DNTTIP1: variants seen among roughly 807,000 people sequenced by gnomAD.
DNTTIP1 encodes deoxynucleotidyltransferase terminal-interacting protein 1.
In DNTTIP1, 22 loss-of-function variants were observed where a neutral mutation model predicts 52.9. That is an observed-to-expected ratio of 0.42 (90% CI 0.30 to 0.59). The LOEUF is 0.59. DNTTIP1 is among the 20% of genes least tolerant of loss of function. The pLI is 0.22. For missense variants in DNTTIP1, 286 were observed against 435.5 expected (o/e 0.66, Z 3.06); for synonymous variants, 136 against 155.1 (o/e 0.88, Z 0.92).
At chr20:45,802,150 A>G in intron 7 of DNTTIP1, 93 bp downstream of exon 7, 2 of 1,373,718 alleles carry the variant, frequency 1.5e-6, no homozygotes, top group Non-Finnish European at 2.1e-6. Context: ...GTGCCTGTCA[A>G]AATCAGATCC....
rs1480105771 is a variant in DNTTIP1, at chr20:45,795,369, G to A, written c.298G>A (p.Val100Met). The A allele has an allele frequency of 1.1e-5, 18 of 1,610,678 alleles. No individual in the cohort carries two copies. Among genetic ancestry groups the A allele is most frequent in the East Asian group, 2.2e-5 (1 of 44,782 alleles). Residue 100 changes from valine to methionine, a missense_variant, in exon 4 of 13, where the codon GTG becomes ATG. Transcript: ENST00000372622. ...GTTCTTCCAGAAGGCAGCACTGAACGTGCGAGACAATGTTGGGGAGGAGGT... is the reference window on the plus strand; with the variant it reads ...GTTCTTCCAGAAGGCAGCACTGAACATGCGAGACAATGTTGGGGAGGAGGT... The part of the protein sequence containing the change: ...MKFFQKAALN[V>M]RDNVGEEVDA...
At chr20:45,800,967 C>T in intron 4 of DNTTIP1, 107 bp from the exon 5 acceptor site, 1 of 941,108 alleles carries the variant, frequency 1.1e-6, no homozygotes, top group Non-Finnish European at 1.7e-6. Flanking sequence ...GCACTCCAGC[C>T]TGAGCAACAG....
In DNTTIP1 at chr20:45,801,431, C is replaced by G. The variant is rs1429739949; in HGVS notation, c.471C>G (p.Ala157=). The change falls in exon 6 of 13, where the codon GCC becomes GCG. Residue 157 remains alanine, a synonymous_variant. Coordinates refer to ENST00000372622, the MANE Select transcript of DNTTIP1 (RefSeq NM_052951.3). ...KRGRQAEEEC[A]HRGSPLPKKR... ...GCCGTCAGGCAGAAGAAGAATGTGC[C>G]CATCGAGGAAGCCCCCTTCCTAAAA... 3 of 1,614,164 alleles carry G rather than the reference C, an allele frequency of 1.9e-6. No individual in the cohort carries two copies. The highest frequency in any genetic ancestry group is 8.5e-7 in the Non-Finnish European group (1 of 1,180,030).
chr20:45,795,500 T>A, intron 4 of DNTTIP1, 57 bp downstream of exon 4: 1 of 1,127,772 alleles, frequency 8.9e-7, no homozygotes, highest in East Asian at 2.6e-5. Flanking sequence ...GAGCCTCTGA[T>A]AAGAAATGCG....
chr20:45,801,163 G>A lies in DNTTIP1; in HGVS notation c.441+21G>A, dbSNP rs758904947. The A allele has an allele frequency of 9.9e-6, 16 of 1,611,736 alleles. No homozygotes were observed. Among genetic ancestry groups the A allele is most frequent in the East Asian group, 2.2e-5 (1 of 44,876 alleles). On this transcript the variant is annotated intron_variant, in intron 5 of 12. Transcript: ENST00000372622. ...TAAAGGTCAGAGTCACTGTGTTCTC[G>A]GGTATTGGAGCGGGAGGTCCTTCAG... is the stretch of plus-strand genomic sequence containing the variant.
intron 10 of DNTTIP1, among the ~76,000 whole-genome samples, chr20:45,806,705 C>T (rs899440584): frequency 2.0e-5 from 3 of 152,254 alleles, no homozygotes; most frequent in Admixed American, 6.5e-5. Flanking sequence ...GGCATACCTG[C>T]TCACGCTTCT....
At chr20:45,800,689 AAAAAAATATATATATATATATATAT>A (rs2018492381) in intron 4 of DNTTIP1, among the ~76,000 whole-genome samples, 2 of 64,976 alleles carry the variant, frequency 3.1e-5, no homozygotes, top group African/African-American at 8.4e-5. Context: ...TAAAAAAAAA[AAAAAAATATATATATATATATATAT>A]ATATATATAT....
In DNTTIP1 at chr20:45,809,267, T is replaced by C; in HGVS notation, c.795+82T>C. ...TTTTGGCTGTGGGTGACAGCCTACC[T>C]CCAAATCTGACTTCCAAAGCCTCAC... On this transcript the variant is annotated intron_variant, in intron 11 of 12. Coordinates refer to ENST00000372622, the MANE Select transcript of DNTTIP1 (RefSeq NM_052951.3). The surrounding 1 kb of genome is among the most constrained non-coding windows in gnomAD (Gnocchi z 4.2). 1.6e-6 allele frequency: 2 copies of C among 1,237,286 alleles called. No homozygotes were observed. The highest frequency in any genetic ancestry group is 1.2e-5 in the South Asian group (1 of 81,946). 76.6% of individuals were successfully genotyped at this position (1,237,286 alleles called of 1,614,324 possible).
chr20:45,800,687 A>G (rs1446782490), intron 4 of DNTTIP1, among the ~76,000 whole-genome samples: 6 of 59,832 alleles, frequency 1.0e-4, no homozygotes, highest in African/African-American at 5.3e-4. Context: ...TTTAAAAAAA[A>G]AAAAAAAATA....
chr20:45,809,190 G>A lies in DNTTIP1; in HGVS notation c.795+5G>A. 1 of 1,613,850 alleles carries A rather than the reference G, an allele frequency of 6.2e-7. No individual in the cohort carries two copies. Among genetic ancestry groups the A allele is most frequent in the Non-Finnish European group, 8.5e-7 (1 of 1,179,958 alleles). ...CGGGCAACAGGGGGCAAGATGGTAA[G>A]CATTATTCATTTGTGCCACTGCCAG... is the stretch of plus-strand genomic sequence containing the variant. On this transcript the variant is annotated splice_donor_5th_base_variant and intron_variant, in intron 11 of 12. Transcript: ENST00000372622. The surrounding 1 kb of genome is among the most constrained non-coding windows in gnomAD (Gnocchi z 4.2).
chr20:45,807,731 G>C (rs112828575), intron 10 of DNTTIP1, among the ~76,000 whole-genome samples: 6,707 of 152,118 alleles, frequency 0.044, 150 homozygotes, highest in Middle Eastern at 0.099. Context: ...CGGGTCACCT[G>C]AGGTCAGGAG....
rs543891584 is a variant in DNTTIP1 at position 45,811,294 on chromosome 20, G to A, written c.*99G>A. The A allele has an allele frequency of 2.1e-5, 30 of 1,415,186 alleles. No individual in the cohort carries two copies. Among genetic ancestry groups the A allele is most frequent in the South Asian group, 1.4e-4 (10 of 71,422 alleles). The allele number at this position is 1,415,186 out of a possible 1,614,324, so 87.7% of individuals were successfully genotyped here. A position where few individuals can be genotyped will look rare whatever the true frequency, so the allele number is the denominator to read the frequency against. ...GGACTGCTCCTAGATGGATCTCAGC[G>A]GCATTAAGCTGTGCCTGAGCGAGTT... On this transcript the variant is annotated 3_prime_UTR_variant, in exon 13 of 13. Coordinates refer to ENST00000372622, the MANE Select transcript of DNTTIP1 (RefSeq NM_052951.3).
chr20:45,794,888 C>T (rs1251978071), intron 3 of DNTTIP1, among the ~76,000 whole-genome samples: 1 of 151,766 alleles, frequency 6.6e-6, no homozygotes, highest in Non-Finnish European at 1.5e-5. Context: ...CAACCTCCGC[C>T]TCCTGGGTTC....
chr20:45,792,843 G>C, intron 2 of DNTTIP1, 96 bp downstream of exon 2: 1 of 1,093,844 alleles, frequency 9.1e-7, no homozygotes, highest in Non-Finnish European at 1.3e-6. Flanking sequence ...ATCTACAGCC[G>C]GTAGAAAGAG....
At chr20:45,801,191 T>G (rs1207364762) in intron 5 of DNTTIP1, 49 bp downstream of exon 5, 3 of 1,582,844 alleles carry the variant, frequency 1.9e-6, no homozygotes. Context: ...TCCTTCAGGC[T>G]GGGAGGCAAG....
At chr20:45,802,128 G>C in intron 7 of DNTTIP1, 71 bp downstream of exon 7, 7 of 1,523,696 alleles carry the variant, frequency 4.6e-6, no homozygotes, top group Non-Finnish European at 6.4e-6. Context: ...AAGGAAAAGA[G>C]TCCAGGGTTC....
At chr20:45,803,517 C>T in intron 8 of DNTTIP1, 139 bp downstream of exon 8, 1 of 858,486 alleles carries the variant, frequency 1.2e-6, no homozygotes. Flanking sequence ...TCTCCACCTC[C>T]AGCCACACTG....
intron 4 of DNTTIP1, among the ~76,000 whole-genome samples, chr20:45,800,668 C>A: frequency 1.0e-5 from 1 of 96,454 alleles, no homozygotes; most frequent in Non-Finnish European, 2.0e-5. Context: ...GAGTGAAACT[C>A]CATCTCAATT....
At position 45,801,996 on chromosome 20, in the gene DNTTIP1, C is replaced by T. The variant is rs1981487353; in HGVS notation, c.499-3C>T. 1 of 1,614,132 alleles carries T rather than the reference C, an allele frequency of 6.2e-7. No individual in the cohort carries two copies. The highest frequency in any genetic ancestry group is 2.2e-5 in the East Asian group (1 of 44,890). ...GACCTCTGACAGCTGTTTTTTGTGGCAGAGGAAAGGACGGCCTCCTGGACA... is the reference window on the plus strand; with the variant it reads ...GACCTCTGACAGCTGTTTTTTGTGGTAGAGGAAAGGACGGCCTCCTGGACA... On this transcript the variant is annotated splice_region_variant and splice_polypyrimidine_tract_variant and intron_variant, in intron 6 of 12. Transcript: ENST00000372622.
Sources: allele counts gnomAD v4.1 joint callset (sites outside exome capture counted in the v4.1 genomes callset), GRCh38; gene constraint gnomAD v4.1.1; non-coding constraint Gnocchi (gnomAD v3.1); transcripts MANE v1.5; gene names NCBI Gene and HGNC (gene_info 2026-07-23, HGNC 2026-07-21).